POLA1: variants seen among roughly 807,000 people sequenced by gnomAD.
The protein encoded by POLA1 is DNA polymerase alpha 1, catalytic subunit.
A neutral mutation model predicts 124.0 loss-of-function variants in POLA1; 15 were observed. The observed-to-expected ratio is 0.12, with a 90% CI of 0.08 to 0.19. POLA1 has a LOEUF of 0.19. POLA1 is among the 10% of genes least tolerant of loss of function. POLA1 has a pLI of 1.00. For synonymous variants in POLA1, 408 were observed against 389.4 expected (o/e 1.05, Z -0.56); for missense variants, 886 against 1,103.4 (o/e 0.80, Z 2.79).
chrX:24,892,986 TG>T (rs1242290394), intron 35 of POLA1, among the ~76,000 whole-genome samples: 1 of 112,300 alleles, frequency 8.9e-6, no homozygotes, highest in Non-Finnish European at 1.9e-5. Context: ...GTAGGACTTC[TG>T]TCCTTAAAGG....
intron 36 of POLA1, among the ~76,000 whole-genome samples, chrX:24,979,034 G>A (rs1008951995): frequency 8.9e-6 from 1 of 112,254 alleles, no homozygotes; most frequent in African/African-American, 3.2e-5. Context: ...CTGTAAAATA[G>A]TATTAGAGAA....
intron 26 of POLA1, among the ~76,000 whole-genome samples, chrX:24,803,796 C>T (rs1029486283): frequency 1.8e-5 from 2 of 109,117 alleles, no homozygotes; most frequent in South Asian, 4.0e-4. Context: ...GATTTTTAGA[C>T]CTGTGAGGAA....
rs189949921 is a variant in POLA1 at position 24,710,815 on chromosome X, C to T, written c.347-3739C>T. 1.5e-3 allele frequency among the ~76,000 whole-genome samples: 163 copies of T among 108,262 alleles called. 1 individual carries two copies. The highest frequency in any genetic ancestry group is 2.0e-3 in the Non-Finnish European group (106 of 52,251). 94.0% of individuals were successfully genotyped at this position (108,262 alleles called of 115,157 possible). On this transcript the variant is annotated intron_variant, in intron 4 of 36. Coordinates refer to ENST00000379068, the MANE Select transcript of POLA1 (RefSeq NM_001330360.2). ...CCAAGTAGCTGGGATTACAGGCACG[C>T]GCCACCATACCCGGCTAATTTTTGT... is the stretch of plus-strand genomic sequence containing the variant.
rs897365744 is a variant in POLA1, at chrX:24,735,545, G to A, written c.1923+57G>A. 1.0e-5 allele frequency: 7 copies of A among 692,433 alleles called. No individual in the cohort carries two copies. The South Asian group carries it at 1.2e-4, about 12-fold the overall frequency. The allele number at this position is 692,433 out of a possible 1,213,427, so 57.1% of individuals were successfully genotyped here. ...GCTCTTCATTTCTTAGTTCTTTTCA[G>A]TGTGACTTTATTGGTGCTTTTGAGC... On this transcript the variant is annotated intron_variant, in intron 18 of 36. Transcript: ENST00000379068.
At chrX:24,983,477 A>G (rs2048445199) in intron 36 of POLA1, among the ~76,000 whole-genome samples, 1 of 111,829 alleles carries the variant, frequency 8.9e-6, no homozygotes. Context: ...AGAAGCCCAA[A>G]CGCAATTTAT....
At chrX:24,964,146 A>G (rs1473654937) in intron 36 of POLA1, among the ~76,000 whole-genome samples, 1 of 112,133 alleles carries the variant, frequency 8.9e-6, no homozygotes, top group Non-Finnish European at 1.9e-5. Context: ...GAACACCATT[A>G]GCTATACAGA....
Position 24,953,821 on chromosome X carries a change from A to G in POLA1, c.4261+23272A>G, listed in dbSNP as rs139184306. Among the ~76,000 whole-genome samples the G allele has an allele frequency of 3.2e-3, 355 of 112,186 alleles. 3 individuals carry two copies. Among genetic ancestry groups the G allele is most frequent in the African/African-American group, 0.011 (349 of 30,913 alleles). On this transcript the variant is annotated intron_variant, in intron 36 of 36. Transcript: ENST00000379068. ...ACGGAGGTCTAGAGGAAAATGCTAA[A>G]GCCTTAAAAATTACATATTAATTAG...
chrX:24,750,485 G>A (rs754539921), intron 26 of POLA1, among the ~76,000 whole-genome samples: 37 of 112,401 alleles, frequency 3.3e-4, no homozygotes, highest in Non-Finnish European at 5.4e-4. Flanking sequence ...GGACAGTGCA[G>A]ATCTAGCTGG....
At chrX:24,751,645 A>G (rs1292174707) in intron 26 of POLA1, among the ~76,000 whole-genome samples, 7 of 112,284 alleles carry the variant, frequency 6.2e-5, no homozygotes, top group Non-Finnish European at 1.3e-4. Flanking sequence ...ATTCTAGAAG[A>G]AGATCCAAAG....
chrX:24,956,008 G>A (rs2048101628), intron 36 of POLA1, among the ~76,000 whole-genome samples: 1 of 111,021 alleles, frequency 9.0e-6, no homozygotes, highest in Non-Finnish European at 1.9e-5. Context: ...AAAATATATA[G>A]GCCAAGTCTG....
chrX:24,828,871 C>T (rs1219008909), intron 32 of POLA1, among the ~76,000 whole-genome samples: 1 of 111,519 alleles, frequency 9.0e-6, no homozygotes, highest in East Asian at 2.8e-4. Context: ...CTAAGAGGGA[C>T]CAGACTGATT....
At chrX:24,970,237 G>A (rs932874471) in intron 36 of POLA1, among the ~76,000 whole-genome samples, 4 of 111,881 alleles carry the variant, frequency 3.6e-5, no homozygotes. Context: ...ATGGTGCTGG[G>A]AGAACTGGCT....
intron 35 of POLA1, among the ~76,000 whole-genome samples, chrX:24,892,260 A>C (rs1473889346): frequency 1.8e-5 from 2 of 111,097 alleles, no homozygotes; most frequent in African/African-American, 3.3e-5. Flanking sequence ...TAAGAGGTGC[A>C]TTTAAATACG....
chrX:24,738,146 GA>G (rs1263544785), intron 19 of POLA1, among the ~76,000 whole-genome samples: 2 of 95,439 alleles, frequency 2.1e-5, no homozygotes, highest in Non-Finnish European at 3.9e-5. Context: ...CCGGGAAGCG[GA>G]GCTTGCAGTG....
At chrX:24,756,368 C>T (rs1273358082) in intron 26 of POLA1, among the ~76,000 whole-genome samples, 1 of 109,347 alleles carries the variant, frequency 9.1e-6, no homozygotes, top group Non-Finnish European at 1.9e-5. Context: ...TCAAGATCAG[C>T]CTGGCCAACA....
At chrX:24,965,102 C>T (rs754817866) in intron 36 of POLA1, among the ~76,000 whole-genome samples, 4 of 111,867 alleles carry the variant, frequency 3.6e-5, no homozygotes, top group Non-Finnish European at 5.6e-5. Flanking sequence ...TTAAAATTCC[C>T]AGTAGAGGGT....
At chrX:24,758,317 T>C (rs1458267093) in intron 26 of POLA1, among the ~76,000 whole-genome samples, 1 of 112,146 alleles carries the variant, frequency 8.9e-6, no homozygotes, top group Non-Finnish European at 1.9e-5. Context: ...TGGGTTACAC[T>C]TAGGCTTGAT....
intron 35 of POLA1, among the ~76,000 whole-genome samples, chrX:24,899,751 A>T (rs952713970): frequency 1.8e-5 from 2 of 111,453 alleles, no homozygotes; most frequent in African/African-American, 6.5e-5. Flanking sequence ...ATGTTTCCTA[A>T]AAGTGAGGCG....
intron 10 of POLA1, among the ~76,000 whole-genome samples, chrX:24,718,982 C>T (rs951797671): frequency 4.5e-5 from 5 of 111,997 alleles, no homozygotes; most frequent in East Asian, 2.8e-4. Flanking sequence ...GGAGGCTGTT[C>T]GGTATTCTTT....
Sources: allele counts gnomAD v4.1 joint callset (sites outside exome capture counted in the v4.1 genomes callset), GRCh38; gene constraint gnomAD v4.1.1; transcripts MANE v1.5; gene names NCBI Gene and HGNC (gene_info 2026-07-23, HGNC 2026-07-21).